BPTF: variants seen among roughly 807,000 people sequenced by gnomAD.
BPTF encodes the protein bromodomain PHD finger transcription factor.
A neutral mutation model predicts 292.5 loss-of-function variants in BPTF; 18 were observed. The ratio of observed to expected loss-of-function variants is 0.06; its 90% CI spans 0.04 to 0.09. BPTF has a LOEUF of 0.09. Among genes scored for constraint, BPTF ranks in the 10% least tolerant of loss-of-function variants. The pLI, the probability that BPTF is intolerant of heterozygous loss-of-function variation, is 1.00. For synonymous variants in BPTF, 1,225 were observed against 1,251.9 expected (o/e 0.98, Z 0.45); for missense variants, 2,726 against 3,498.7 (o/e 0.78, Z 5.57).
chr17:67,833,135 CAT>C (rs1019614623), intron 1 of BPTF, among the ~76,000 whole-genome samples: 2 of 152,038 alleles, frequency 1.3e-5, no homozygotes, highest in Non-Finnish European at 2.9e-5. Flanking sequence ...AAAGTGGAAT[CAT>C]ATAATATATG....
At chr17:67,848,571 A>G (rs930984225) in intron 1 of BPTF, among the ~76,000 whole-genome samples, 6 of 152,194 alleles carry the variant, frequency 3.9e-5, no homozygotes, top group African/African-American at 1.4e-4. Context: ...TCTGTCTAAA[A>G]TATGTAGGCA....
chr17:67,958,501 G>C (rs2067160162), intron 23 of BPTF, among the ~76,000 whole-genome samples: 1 of 152,182 alleles, frequency 6.6e-6, no homozygotes, highest in Non-Finnish European at 1.5e-5. Context: ...TCTAAGGTGG[G>C]TGGATTGCCT....
At chr17:67,940,409 A>T in intron 18 of BPTF, 30 bp from the exon 19 acceptor site, 1 of 1,586,488 alleles carries the variant, frequency 6.3e-7, no homozygotes, top group Non-Finnish European at 8.6e-7. Flanking sequence ...AGGGTGTATA[A>T]GCATTCATAA....
intron 3 of BPTF, among the ~76,000 whole-genome samples, chr17:67,872,964 A>G (rs1043552100): frequency 2.0e-5 from 3 of 152,114 alleles, no homozygotes; most frequent in African/African-American, 7.2e-5. Flanking sequence ...ACACATACCT[A>G]TAGTTCCATC....
At chr17:67,971,437 G>A (rs2148523436) in intron 26 of BPTF, among the ~76,000 whole-genome samples, 1 of 151,440 alleles carries the variant, frequency 6.6e-6, no homozygotes, top group East Asian at 1.9e-4. Flanking sequence ...TCATCACTGT[G>A]ACACCTCCAC....
chr17:67,939,834 C>G (rs772099790), intron 18 of BPTF, among the ~76,000 whole-genome samples: 7 of 152,206 alleles, frequency 4.6e-5, no homozygotes, highest in Non-Finnish European at 1.5e-5. Context: ...GAGCCAAGAT[C>G]ACGCCACCGC....
rs745803582 is a variant in BPTF at position 67,903,898 on chromosome 17, A to C, written c.2653A>C (p.Thr885Pro). 1 of 1,586,198 alleles carries C rather than the reference A, an allele frequency of 6.3e-7. No homozygotes were observed. The highest frequency in any genetic ancestry group is 8.5e-7 in the Non-Finnish European group (1 of 1,172,782). Reference sequence around the variant, plus strand: ...GCAGCAAGCGACATGGGTAAAATACACATTTCCAGTTAAGCATCAGGTAAT... The same window carrying C: ...GCAGCAAGCGACATGGGTAAAATACCCATTTCCAGTTAAGCATCAGGTAAT... ...TMQQATWVKY[T>P]FPVKHQVWKQ... Residue 885 changes from threonine to proline, a missense_variant, in exon 8 of 28, where the codon ACA becomes CCA. Coordinates refer to ENST00000306378, the MANE Select transcript of BPTF (RefSeq NM_182641.4).
chr17:67,862,825 T>G (rs150451704), intron 2 of BPTF, among the ~76,000 whole-genome samples: 1,583 of 151,898 alleles, frequency 0.01, 35 homozygotes, highest in African/African-American at 0.035. Context: ...TTTTTTTTTT[T>G]TTTTGGCCTT....
chr17:67,946,028 A>AGT lies in BPTF; in HGVS notation c.7320_7321insGT (p.Gln2441ValfsTer80). On this transcript the variant is annotated frameshift_variant, in exon 21 of 28. Transcript: ENST00000306378. LOFTEE classifies it high-confidence loss of function. ...TCATTGCTGTGCCTCAGCTGCAACA[A>AGT]CAAGTCCAGGTTCTCTCTCAGATCC... is the stretch of plus-strand genomic sequence containing the variant. 1.9e-6 allele frequency: 3 copies of AGT among 1,614,202 alleles called. No homozygotes were observed. Among genetic ancestry groups the AGT allele is most frequent in the Non-Finnish European group, 2.5e-6 (3 of 1,180,028 alleles).
Position 67,878,681 on chromosome 17 carries a change from C to CGTGT in BPTF, c.1864+3680_1864+3683dup, listed in dbSNP as rs61427510. Reference sequence around the variant, plus strand: ...AGGATGTTGAGCGTCTTTATGTGTTCGTGTGTGTGTGTGTGTGTGTGTCAG... The same window carrying CGTGT: ...AGGATGTTGAGCGTCTTTATGTGTTCGTGTGTGTGTGTGTGTGTGTGTGTGTCAG... On this transcript the variant is annotated intron_variant, in intron 4 of 27. Coordinates refer to ENST00000306378, the MANE Select transcript of BPTF (RefSeq NM_182641.4). 3.9e-4 allele frequency among the ~76,000 whole-genome samples: 59 copies of CGTGT among 149,952 alleles called. No individual in the cohort carries two copies. In the South Asian group the frequency reaches 0.01, roughly 26 times the overall value.
intron 27 of BPTF, among the ~76,000 whole-genome samples, chr17:67,976,553 G>A (rs1240888414): frequency 6.6e-6 from 1 of 151,770 alleles, no homozygotes; most frequent in Non-Finnish European, 1.5e-5. Flanking sequence ...AGGCATAGTG[G>A]CATGCACCTG....
chr17:67,855,098 C>G (rs555407551), intron 2 of BPTF, among the ~76,000 whole-genome samples: 1 of 152,040 alleles, frequency 6.6e-6, no homozygotes, highest in Non-Finnish European at 1.5e-5. Context: ...GTTGAGAGTT[C>G]GAGACCAGCC....
chr17:67,886,313 A>T (rs899883265), intron 4 of BPTF: 4 of 1,601,960 alleles, frequency 2.5e-6, no homozygotes, highest in Non-Finnish European at 3.4e-6. Flanking sequence ...TCAGGAAGAG[A>T]TAGGTAAGAA....
chr17:67,828,028 C>T (rs1363102661), intron 1 of BPTF, among the ~76,000 whole-genome samples: 2 of 149,844 alleles, frequency 1.3e-5, no homozygotes, highest in Non-Finnish European at 3.0e-5. Flanking sequence ...GTCTTCCAGA[C>T]TCAAGCGATT....
intron 6 of BPTF, 38 bp from the exon 7 acceptor site, chr17:67,893,996 C>T (rs377534417): frequency 3.7e-6 from 6 of 1,604,022 alleles, no homozygotes; most frequent in Non-Finnish European, 5.1e-6. Context: ...TAAGGTCAAC[C>T]TAGTGAAATA....
At chr17:67,962,675 A>G (rs1464163965) in intron 24 of BPTF, among the ~76,000 whole-genome samples, 13 of 152,260 alleles carry the variant, frequency 8.5e-5, no homozygotes, top group Non-Finnish European at 1.6e-4. Context: ...GGCCCGTGCC[A>G]TATTCCATTA....
intron 10 of BPTF, 74 bp downstream of exon 10, chr17:67,909,835 A>G (rs925833187): frequency 1.6e-6 from 2 of 1,276,314 alleles, no homozygotes; most frequent in African/African-American, 3.0e-5. Flanking sequence ...ACCACAGGAA[A>G]GGTACTGCGT....
At chr17:67,853,876 A>G in intron 1 of BPTF, 64 bp from the exon 2 acceptor site, 1 of 1,336,054 alleles carries the variant, frequency 7.5e-7, no homozygotes, top group Non-Finnish European at 1.0e-6. Flanking sequence ...ATATGTTCAA[A>G]TAGGAAATTT....
intron 18 of BPTF, among the ~76,000 whole-genome samples, chr17:67,937,226 C>T (rs568693508): frequency 2.0e-5 from 3 of 152,110 alleles, no homozygotes; most frequent in South Asian, 2.1e-4. Context: ...GAGGCTGAGG[C>T]GGGTGGATCG....
Sources: allele counts gnomAD v4.1 joint callset (sites outside exome capture counted in the v4.1 genomes callset), GRCh38; gene constraint gnomAD v4.1.1; transcripts MANE v1.5; gene names NCBI Gene and HGNC (gene_info 2026-07-23, HGNC 2026-07-21).